ST18: variants seen among roughly 807,000 people sequenced by gnomAD.
ST18 encodes the protein suppression of tumorigenicity 18 protein.
In ST18, 50 loss-of-function variants were observed where a neutral mutation model predicts 110.0. The observed-to-expected ratio is 0.45, with a 90% CI of 0.36 to 0.58. The LOEUF (loss-of-function observed/expected upper bound fraction) is 0.58. Ranked by LOEUF, ST18 falls within the 20% of genes least tolerant of loss-of-function variation. The pLI, the probability that ST18 is intolerant of heterozygous loss-of-function variation, is 0.00. For missense variants in ST18, 1,306 were observed against 1,280.1 expected, an observed-to-expected ratio of 1.02 and a Z score of -0.31; for synonymous variants, 461 against 452.4, an observed-to-expected ratio of 1.02 and a Z score of -0.24.
rs112983047 is a variant in ST18 at position 52,397,754 on chromosome 8, G to A, written c.-465+11574C>T. 3.9e-3 allele frequency among the ~76,000 whole-genome samples: 598 copies of A among 152,096 alleles called. 2 individuals are homozygous for A. Among genetic ancestry groups the A allele is most frequent in the Non-Finnish European group, 6.7e-3 (453 of 67,926 alleles). On this transcript the variant is annotated intron_variant, in intron 2 of 25. Coordinates refer to ENST00000689386, the MANE Select transcript of ST18 (RefSeq NM_001352837.2). The stretch of plus-strand genomic sequence containing the variant: ...TATACCCTTGTCAAAAATTAGTTAA[G>A]TGCATATGCTTGACTCTATTTCTGG...
At chr8:52,382,783 G>A (rs1354929605) in intron 2 of ST18, among the ~76,000 whole-genome samples, 2 of 151,448 alleles carry the variant, frequency 1.3e-5, no homozygotes, top group Admixed American at 6.6e-5. Context: ...AAGATATAGG[G>A]CAAGAAAGTG....
intron 18 of ST18, among the ~76,000 whole-genome samples, 190 bp from the exon 19 acceptor site, chr8:52,136,848 T>A (rs1438729956): frequency 6.6e-6 from 1 of 152,156 alleles, no homozygotes; most frequent in South Asian, 2.1e-4. Context: ...CTATTTCTCA[T>A]AGACTCAGAT....
chr8:52,203,127 A>C (rs1017637828), intron 8 of ST18, among the ~76,000 whole-genome samples: 1 of 152,242 alleles, frequency 6.6e-6, no homozygotes, highest in East Asian at 1.9e-4. Flanking sequence ...CAGTATATTA[A>C]AAAGTCAGAA....
At chr8:52,380,020 T>C (rs1384354456) in intron 2 of ST18, among the ~76,000 whole-genome samples, 1 of 152,244 alleles carries the variant, frequency 6.6e-6, no homozygotes, top group Admixed American at 6.5e-5. Context: ...AGTTTTTGAA[T>C]GTTTTTCATC....
intron 5 of ST18, chr8:52,220,480 G>A (rs900635160): frequency 6.6e-5 from 10 of 152,054 alleles, no homozygotes; most frequent in Admixed American, 2.0e-4. Flanking sequence ...AAAGGCAAAC[G>A]TGTGAACAAA....
At chr8:52,250,276 C>T (rs1041589023) in intron 2 of ST18, among the ~76,000 whole-genome samples, 6 of 151,414 alleles carry the variant, frequency 4.0e-5, no homozygotes, top group African/African-American at 1.2e-4. Flanking sequence ...TCTGCATCTC[C>T]CTTGAACAGA....
rs57885791 is a variant in ST18, at chr8:52,228,859, C to A, written c.-419+1173G>T. 5.8e-3 allele frequency among the ~76,000 whole-genome samples: 890 copies of A among 152,152 alleles called. 6 individuals are homozygous for A. Among genetic ancestry groups the A allele is most frequent in the African/African-American group, 0.02 (849 of 41,520 alleles). Reference sequence around the variant, plus strand: ...GCAGCAGAGACCTGGCCTTCTACCCCTCGATGTTCCATTCCACTCAGCAAT... The same window carrying A: ...GCAGCAGAGACCTGGCCTTCTACCCATCGATGTTCCATTCCACTCAGCAAT... On this transcript the variant is annotated intron_variant, in intron 3 of 25. Transcript: ENST00000689386.
rs377497377 is a variant in ST18, at chr8:52,137,885, T to C, written c.2169-402A>G. The C allele has an allele frequency of 4.2e-4, 73 of 172,388 alleles. 1 individual carries two copies. The highest frequency in any genetic ancestry group is 1.6e-3 in the African/African-American group (67 of 41,878). 10.7% of individuals were successfully genotyped at this position (172,388 alleles called of 1,614,324 possible). ...GGGAGGCCAAGGCAGGTGGATCACC[T>C]GAGGTTGGGAGTTCGAGACCAGCCT... On this transcript the variant is annotated intron_variant, in intron 17 of 25. Coordinates refer to ENST00000689386, the MANE Select transcript of ST18 (RefSeq NM_001352837.2).
chr8:52,252,765 A>T (rs2094377094), intron 2 of ST18, among the ~76,000 whole-genome samples: 1 of 152,046 alleles, frequency 6.6e-6, no homozygotes, highest in South Asian at 2.1e-4. Context: ...TATTGTAGTA[A>T]GCCAAGAAGG....
intron 2 of ST18, among the ~76,000 whole-genome samples, chr8:52,355,539 G>A (rs1822321991): frequency 6.6e-6 from 1 of 152,176 alleles, no homozygotes; most frequent in Non-Finnish European, 1.5e-5. Context: ...GAACTCTAGG[G>A]CTCTATTCAT....
chr8:52,203,503 G>A (rs16917461), intron 8 of ST18, among the ~76,000 whole-genome samples: 23,924 of 152,080 alleles, frequency 0.16, 1,982 homozygotes, highest in Middle Eastern at 0.25. Flanking sequence ...TTGGATTGTA[G>A]GGCGTCCATT....
chr8:52,267,195 G>A (rs957976340), intron 2 of ST18, among the ~76,000 whole-genome samples: 3 of 152,148 alleles, frequency 2.0e-5, no homozygotes, highest in African/African-American at 4.8e-5. Flanking sequence ...TAGCAGGTAA[G>A]ACCCTAGGAG....
intron 2 of ST18, among the ~76,000 whole-genome samples, chr8:52,399,385 A>G (rs1041388626): frequency 6.6e-6 from 1 of 151,044 alleles, no homozygotes; most frequent in Non-Finnish European, 1.5e-5. Context: ...CAAGGAGCCA[A>G]TTCTTTGTTT....
intron 2 of ST18, among the ~76,000 whole-genome samples, chr8:52,343,539 C>G (rs1816217387): frequency 6.6e-6 from 1 of 152,134 alleles, no homozygotes; most frequent in South Asian, 2.1e-4. Context: ...AGCAAAGTCC[C>G]CGTGGCCAAA....
intron 3 of ST18, among the ~76,000 whole-genome samples, chr8:52,225,580 G>A (rs1214786708): frequency 2.0e-5 from 3 of 152,162 alleles, no homozygotes; most frequent in African/African-American, 7.2e-5. Context: ...CATTCAGAGT[G>A]GTTTTATCAG....
At chr8:52,191,967 A>C (rs1020156640) in intron 8 of ST18, among the ~76,000 whole-genome samples, 7 of 152,134 alleles carry the variant, frequency 4.6e-5, no homozygotes, top group Non-Finnish European at 1.0e-4. Context: ...ACAGGCACTG[A>C]AGGGCATTTA....
intron 22 of ST18, among the ~76,000 whole-genome samples, chr8:52,130,024 C>T (rs565067546): frequency 4.2e-4 from 60 of 143,062 alleles, no homozygotes; most frequent in African/African-American, 1.3e-3. Context: ...CCAGCATGGG[C>T]GACAGAGTGA....
chr8:52,177,681 T>G (rs574266885), intron 9 of ST18, among the ~76,000 whole-genome samples: 2 of 152,346 alleles, frequency 1.3e-5, no homozygotes, highest in South Asian at 4.1e-4. Flanking sequence ...CTGAAGGTAG[T>G]CAGTGTGTGA....
chr8:52,159,199 T>A (rs2060787277), intron 14 of ST18, 90 bp from the exon 15 acceptor site: 1 of 1,209,686 alleles, frequency 8.3e-7, no homozygotes, highest in African/African-American at 1.5e-5. Context: ...ACTTCTTGCA[T>A]TAAAATATGT....
Sources: gnomAD v4.1 joint callset for allele counts (sites outside exome capture counted in the v4.1 genomes callset) on GRCh38, gnomAD v4.1.1 for gene constraint, MANE v1.5 for transcripts, NCBI Gene and HGNC (gene_info 2026-07-23, HGNC 2026-07-21) for gene names.